HSPG2: variants seen among roughly 807,000 people sequenced by gnomAD.
HSPG2 encodes the protein basement membrane-specific heparan sulfate proteoglycan core protein.
Under a neutral mutation model 526.6 loss-of-function variants are expected in HSPG2, and 278 were observed. The ratio of observed to expected loss-of-function variants is 0.53; its 90% confidence interval spans 0.48 to 0.58. The LOEUF (loss-of-function observed/expected upper bound fraction) is 0.58. Among genes scored for constraint, HSPG2 ranks in the 20% least tolerant of loss-of-function variants. HSPG2 has a pLI of 0.00. For missense variants in HSPG2, 5,354 were observed against 6,099.5 expected, an observed-to-expected ratio of 0.88 and a Z score of 4.07; for synonymous variants, 2,465 against 2,555.4, an observed-to-expected ratio of 0.96 and a Z score of 1.07.
At position 21,836,942 on chromosome 1, in the gene HSPG2, C is replaced by A. The variant is rs549075510; in HGVS notation, c.10215G>T (p.Thr3405=). Residue 3405 remains threonine (T), a synonymous_variant, in exon 75 of 97, where the codon ACG becomes ACT. Transcript: ENST00000374695. The part of the protein sequence containing the change: ...PAGSTPTVQV[T]PQLETKSIGA... ...CAATGCTCTTGGTCTCTAGCTGAGGCGTGACCTGCACGGTGGGCGTGGACC... is the reference window on the plus strand; with the variant it reads ...CAATGCTCTTGGTCTCTAGCTGAGGAGTGACCTGCACGGTGGGCGTGGACC... 6.4e-7 allele frequency: 1 copy of A among 1,557,126 alleles called. No homozygotes were observed. The highest frequency in any genetic ancestry group is 8.7e-7 in the Non-Finnish European group (1 of 1,150,282).
At position 21,865,848 on chromosome 1, in the gene HSPG2, G is replaced by T; in HGVS notation, c.4222-39C>A. Reference sequence around the variant, plus strand: ...AGCCCAGAGGTCACAGGCTGACCTTGGGGTGTGAGTGTTGGACCATATAGG... The same window carrying T: ...AGCCCAGAGGTCACAGGCTGACCTTTGGGTGTGAGTGTTGGACCATATAGG... On this transcript the variant is annotated intron_variant, in intron 33 of 96. Transcript: ENST00000374695. This position sits in a 1 kb window ranked among gnomAD's most constrained non-coding sequence, Gnocchi z 5.4. 1 of 1,510,430 alleles carries T rather than the reference G, an allele frequency of 6.6e-7. No homozygotes were observed. Among genetic ancestry groups the T allele is most frequent in the Non-Finnish European group, 9.2e-7 (1 of 1,086,696 alleles). 93.6% of individuals were successfully genotyped at this position (1,510,430 alleles called of 1,614,324 possible).
At chr1:21,833,411 C>G in intron 79 of HSPG2, 27 bp from the exon 80 acceptor site, 2 of 1,614,164 alleles carry the variant, frequency 1.2e-6, no homozygotes, top group Non-Finnish European at 1.7e-6. Flanking sequence ...CAGCTGAAGA[C>G]CCTGCCAGTC....
chr1:21,847,407 G>A lies in HSPG2; in HGVS notation c.8111C>T (p.Ala2704Val), dbSNP rs1329519658. The A allele has an allele frequency of 1.9e-6, 3 of 1,613,966 alleles. No individual in the cohort carries two copies. Among genetic ancestry groups the A allele is most frequent in the Non-Finnish European group, 2.5e-6 (3 of 1,180,034 alleles). Residue 2704 changes from alanine (A) to valine (V), a missense_variant, in exon 62 of 97, where the codon GCC becomes GTC. Coordinates refer to ENST00000374695, the MANE Select transcript of HSPG2 (RefSeq NM_005529.7). The surrounding 1 kb of genome is among the most constrained non-coding windows in gnomAD (Gnocchi z 4.1). ...YVCRANNNID[A>V]LEASIVISVS... ...GGAGATGACGATGGAGGCCTCCAGG[G>A]CATCGATGTTGTTGTTGGCCCGGCA...
rs370556487 is a variant in HSPG2, at chr1:21,887,651, G to C, written c.727C>G (p.Pro243Ala). ...GTCTCCACAAGGAGAGAGAATGTGG[G>C]GCTGATACCCAGGACTGGCTCCTCT... is the stretch of plus-strand genomic sequence containing the variant. ...NCEEPVLGIS[P>A]TFSLLVETTS... Residue 243 changes from proline (P) to alanine (A), a missense_variant, in exon 8 of 97, where the codon CCC becomes GCC. By Grantham distance (27) the Pro-to-Ala change is conservative. Coordinates refer to ENST00000374695, the MANE Select transcript of HSPG2 (RefSeq NM_005529.7). This position sits in a 1 kb window ranked among gnomAD's most constrained non-coding sequence, Gnocchi z 5.0. 9.3e-6 allele frequency: 15 copies of C among 1,613,822 alleles called. No homozygotes were observed. The African/African-American group carries it at 2.0e-4, about 22-fold the overall frequency.
rs990267302 is a variant in HSPG2, at chr1:21,893,638, C to T, written c.244+2284G>A. On this transcript the variant is annotated intron_variant, in intron 3 of 96. Transcript: ENST00000374695. The surrounding 1 kb of genome is among the most constrained non-coding windows in gnomAD (Gnocchi z 4.3). ...CCGAGACCATCATGCCAGCCACGGG[C>T]GGGCGGCCCAGGGGCTGCCCTGAGC... Among the ~76,000 whole-genome samples the T allele has an allele frequency of 2.6e-5, 4 of 151,850 alleles. No individual in the cohort carries two copies. The highest frequency in any genetic ancestry group is 4.4e-5 in the Non-Finnish European group (3 of 67,942).
chr1:21,868,781 T>C (rs964117112), intron 33 of HSPG2: 22 of 205,966 alleles, frequency 1.1e-4, no homozygotes, highest in Admixed American at 9.8e-4. Context: ...CTACCCACCG[T>C]GAGCCTCGGT....
Position 21,823,246 on chromosome 1 carries a change from T to A in HSPG2, c.*70A>T. On this transcript the variant is annotated 3_prime_UTR_variant, in exon 97 of 97. Transcript: ENST00000374695. ...TTTCTTACAAAAATTCATAATAATA[T>A]TAATAATAATATACTCGACATTGTC... 7.7e-7 allele frequency: 1 copy of A among 1,293,536 alleles called. No homozygotes were observed. The highest frequency in any genetic ancestry group is 1.0e-6 in the Non-Finnish European group (1 of 980,240). 80.1% of individuals were successfully genotyped at this position (1,293,536 alleles called of 1,614,324 possible). A position where few individuals can be genotyped will look rare whatever the true frequency, so the allele number is the denominator to read the frequency against.
intron 1 of HSPG2, among the ~76,000 whole-genome samples, chr1:21,921,157 G>A (rs1488442752): frequency 6.6e-6 from 1 of 152,160 alleles, no homozygotes; most frequent in African/African-American, 2.4e-5. Context: ...TCTTCTTTCA[G>A]ATAAGAAAGC....
In HSPG2 at chr1:21,895,180, C is replaced by T. The variant is rs1642660651; in HGVS notation, c.244+742G>A. 6.6e-6 allele frequency among the ~76,000 whole-genome samples: 1 copy of T among 152,146 alleles called. No individual in the cohort carries two copies. Among genetic ancestry groups the T allele is most frequent in the Admixed American group, 6.5e-5 (1 of 15,286 alleles). On this transcript the variant is annotated intron_variant, in intron 3 of 96. Coordinates refer to ENST00000374695, the MANE Select transcript of HSPG2 (RefSeq NM_005529.7). This position sits in a 1 kb window ranked among gnomAD's most constrained non-coding sequence, Gnocchi z 4.1. ...CCTGAGCACCTGCTCCATCCTTGGC[C>T]CTGGTCACAGATTGTCCCAGGAGCT...
intron 1 of HSPG2, among the ~76,000 whole-genome samples, chr1:21,927,575 TTCTGCACCCA>T (rs542998890): frequency 5.7e-4 from 87 of 152,228 alleles, no homozygotes; most frequent in African/African-American, 2.0e-3. Context: ...CGAACATCCT[TTCTGCACCCA>T]TGGGAGCCCC....
Position 21,864,694 on chromosome 1 carries a change from C to T in HSPG2, c.4626+149G>A. ...TGTTAAAGGGGATAATGATATGTAA[C>T]TCAGGGCTGTCGGGAGGAATACATG... On this transcript the variant is annotated intron_variant, in intron 36 of 96. Transcript: ENST00000374695. This position sits in a 1 kb window ranked among gnomAD's most constrained non-coding sequence, Gnocchi z 4.8. 1.4e-6 allele frequency: 1 copy of T among 716,036 alleles called. No homozygotes were observed. The highest frequency in any genetic ancestry group is 2.4e-6 in the Non-Finnish European group (1 of 409,950). The allele number at this position is 716,036 out of a possible 1,614,324, so 44.4% of individuals were successfully genotyped here.
chr1:21,863,378 A>G (rs1639980430), intron 37 of HSPG2, among the ~76,000 whole-genome samples: 1 of 152,062 alleles, frequency 6.6e-6, no homozygotes, highest in African/African-American at 2.4e-5. Flanking sequence ...CTTGAAAAAA[A>G]AAAGAAAAAG....
In HSPG2 at chr1:21,848,011, C is replaced by T. The variant is rs952847115; in HGVS notation, c.7820G>A (p.Gly2607Asp). The change falls in exon 60 of 97, where the codon GGC (glycine) becomes GAC (aspartate). Residue 2607 changes from glycine (G) to aspartate (D), a missense_variant. Coordinates refer to ENST00000374695, the MANE Select transcript of HSPG2 (RefSeq NM_005529.7). The surrounding 1 kb of genome is among the most constrained non-coding windows in gnomAD (Gnocchi z 4.9). Reference sequence around the variant, plus strand: ...GACGATGAGCGAGGTCTCCCGGGAGCCTGCACCGTTACTGACGTGACACAC... The same window carrying T: ...GACGATGAGCGAGGTCTCCCGGGAGTCTGCACCGTTACTGACGTGACACAC... ...EYVCHVSNGA[G>D]SRETSLIVTI... 26 of 1,613,420 alleles carry T rather than the reference C, an allele frequency of 1.6e-5. No homozygotes were observed. Among genetic ancestry groups the T allele is most frequent in the Non-Finnish European group, 2.2e-5 (26 of 1,179,980 alleles).
In HSPG2 at chr1:21,890,998, G is replaced by A. The variant is rs1642317898; in HGVS notation, c.245-304C>T. Among the ~76,000 whole-genome samples the A allele has an allele frequency of 6.6e-6, 1 of 152,264 alleles. No individual in the cohort carries two copies. The highest frequency in any genetic ancestry group is 1.5e-5 in the Non-Finnish European group (1 of 68,044). ...AGAGGAAGGCTGGACAAGAAGGGGT[G>A]GCTCCCAGAGGGAGTTGGCCTGGCA... On this transcript the variant is annotated intron_variant, in intron 3 of 96. Coordinates refer to ENST00000374695, the MANE Select transcript of HSPG2 (RefSeq NM_005529.7). This position sits in a 1 kb window ranked among gnomAD's most constrained non-coding sequence, Gnocchi z 4.1.
rs2098040040 is a variant in HSPG2, at chr1:21,839,476, T to A, written c.9784A>T (p.Thr3262Ser). 3 of 1,613,970 alleles carry A rather than the reference T, an allele frequency of 1.9e-6. No individual in the cohort carries two copies. The African/African-American group carries it at 4.0e-5, about 22-fold the overall frequency. Residue 3262 changes from threonine (T) to serine (S), a missense_variant, in exon 73 of 97, where the codon ACA becomes TCA. Thr to Ser is a moderately conservative substitution (Grantham distance 58, BLOSUM62 1). Coordinates refer to ENST00000374695, the MANE Select transcript of HSPG2 (RefSeq NM_005529.7). This position sits in a 1 kb window ranked among gnomAD's most constrained non-coding sequence, Gnocchi z 4.5. ...TGGGCTACCCGGGGTATGATGAGTG[T>A]GTCACCTTCCAGCCGGTGCTGCCAG... The part of the protein sequence containing the change: ...LPWQHRLEGD[T>S]LIIPRVAQQD...
rs559979325 is a variant in HSPG2 at position 21,861,212 on chromosome 1, A to G, written c.4955+545T>C. ...TATCTCCAACACCTCAGCACACAGC[A>G]TGGTACACAGGAGCTGCTTGATAAA... On this transcript the variant is annotated intron_variant, in intron 39 of 96. Transcript: ENST00000374695. Among the ~76,000 whole-genome samples the G allele has an allele frequency of 3.3e-5, 5 of 152,316 alleles. No homozygotes were observed. The East Asian group carries it at 9.6e-4, about 29-fold the overall frequency.
chr1:21,830,046 C>G lies in HSPG2; in HGVS notation c.11717G>C (p.Arg3906Pro), dbSNP rs78944354. The G allele has an allele frequency of 1.9e-6, 3 of 1,604,908 alleles. No individual in the cohort carries two copies. In the African/African-American group the frequency reaches 4.0e-5, roughly 21 times the overall value. ...DATCVNRPDG[R>P]GYTCRCHLGR... Reference sequence around the variant, plus strand: ...CAGGTGGCAGCGGCAGGTGTAGCCTCGACCGTCAGGCCGGTTCACACAGGT... The same window carrying G: ...CAGGTGGCAGCGGCAGGTGTAGCCTGGACCGTCAGGCCGGTTCACACAGGT... Residue 3906 changes from arginine (R) to proline (P), a missense_variant, in exon 86 of 97, where the codon CGA (arginine) becomes CCA (proline). Transcript: ENST00000374695.
chr1:21,882,420 C>T (rs572653082), intron 13 of HSPG2, among the ~76,000 whole-genome samples: 1 of 151,558 alleles, frequency 6.6e-6, no homozygotes, highest in Admixed American at 6.6e-5. Context: ...CACACACACA[C>T]ACACACACAC....
At chr1:21,928,272 A>G (rs1420102440) in intron 1 of HSPG2, among the ~76,000 whole-genome samples, 1 of 152,232 alleles carries the variant, frequency 6.6e-6, no homozygotes, top group East Asian at 1.9e-4. Context: ...GGCAGAGTGG[A>G]CATCCCAGCT....
Sources: allele counts gnomAD v4.1 joint callset (sites outside exome capture counted in the v4.1 genomes callset), GRCh38; gene constraint gnomAD v4.1.1; non-coding constraint Gnocchi (gnomAD v3.1); transcripts MANE v1.5; gene names NCBI Gene and HGNC (gene_info 2026-07-23, HGNC 2026-07-21).